XKR9: variants seen among roughly 807,000 people sequenced by gnomAD.
XKR9 encodes the protein XK-related protein 9.
A neutral mutation model predicts 32.0 loss-of-function variants in XKR9; 32 were observed. The observed-to-expected ratio is 1.00, with a 90% confidence interval of 0.76 to 1.34. The LOEUF is 1.34. XKR9 is among the 40% of genes most tolerant of loss of function. The pLI, the probability that XKR9 is intolerant of heterozygous loss-of-function variation, is 0.00. For missense variants in XKR9, 546 were observed against 429.7 expected, an observed-to-expected ratio of 1.27 and a Z score of -2.39; for synonymous variants, 168 against 143.4, an observed-to-expected ratio of 1.17 and a Z score of -1.22.
chr8:70,714,143 T>G (rs528860728), intron 4 of XKR9, among the ~76,000 whole-genome samples: 1 of 152,162 alleles, frequency 6.6e-6, no homozygotes, highest in South Asian at 2.1e-4. Context: ...CTTTTTACAG[T>G]GACACTAGTC....
intron 2 of XKR9, among the ~76,000 whole-genome samples, chr8:70,752,712 A>C (rs761038997): frequency 1.3e-5 from 2 of 152,218 alleles, no homozygotes; most frequent in African/African-American, 2.4e-5. Context: ...TTTTGGTTTC[A>C]TCCAACGAGA....
At chr8:70,806,846 G>C in the XKR9 span, among the ~76,000 whole-genome samples, 1 of 152,136 alleles carries the variant, frequency 6.6e-6, no homozygotes, top group Non-Finnish European at 1.5e-5. Flanking sequence ...ACACACTTCA[G>C]GGTATTATCC....
intron 2 of XKR9, 73 bp downstream of exon 2, chr8:70,674,972 T>A (rs1412524538): frequency 6.6e-6 from 1 of 152,254 alleles, no homozygotes; most frequent in Admixed American, 6.5e-5. Flanking sequence ...TCTTTAAATA[T>A]CTGCTTTATC....
chr8:70,776,949 A>C (rs368700202), intron 2 of XKR9, among the ~76,000 whole-genome samples: 2,122 of 22,462 alleles, frequency 0.094, 75 homozygotes, highest in East Asian at 0.16. Flanking sequence ...CTCTCTCTCT[A>C]TATATATATA....
intron 2 of XKR9, among the ~76,000 whole-genome samples, chr8:70,745,044 G>T (rs1218595976): frequency 6.7e-6 from 1 of 150,006 alleles, no homozygotes; most frequent in East Asian, 1.9e-4. Flanking sequence ...TGGGAAAAAG[G>T]GTAGGAAATA....
chr8:70,719,685 G>A (rs1056717137), intron 4 of XKR9, among the ~76,000 whole-genome samples: 2 of 152,120 alleles, frequency 1.3e-5, no homozygotes, highest in East Asian at 3.9e-4. Context: ...ATGTTGTTTT[G>A]GTTACTGTAG....
the XKR9 span, among the ~76,000 whole-genome samples, chr8:70,967,901 C>T: frequency 8.5e-5 from 13 of 152,072 alleles, no homozygotes; most frequent in African/African-American, 1.4e-4. Context: ...GAGAATCTGA[C>T]GATTATGTGT....
intron 2 of XKR9, among the ~76,000 whole-genome samples, chr8:70,776,954 T>TATATAC (rs1807533396): frequency 1.1e-5 from 1 of 89,324 alleles, no homozygotes; most frequent in Non-Finnish European, 2.9e-5. Flanking sequence ...TCTCTATATA[T>TATATAC]ATATATATAT....
chr8:70,715,568 T>TA (rs1806060446), intron 4 of XKR9, among the ~76,000 whole-genome samples: 1 of 152,116 alleles, frequency 6.6e-6, no homozygotes, highest in Non-Finnish European at 1.5e-5. Context: ...TTATGATTTC[T>TA]AGAGAAATCA....
At chr8:70,696,494 G>C (rs1164907526) in intron 3 of XKR9, among the ~76,000 whole-genome samples, 83 of 150,234 alleles carry the variant, frequency 5.5e-4, no homozygotes, top group Admixed American at 4.1e-3. Context: ...GATAGTTGTA[G>C]ATATGCGGCG....
chr8:70,978,050 A>T, the XKR9 span, among the ~76,000 whole-genome samples: 1 of 152,060 alleles, frequency 6.6e-6, no homozygotes, highest in Non-Finnish European at 1.5e-5. Context: ...AGAGACTAGG[A>T]TTGCAACCCA....
chr8:70,768,829 C>T (rs1452608620), intron 2 of XKR9, among the ~76,000 whole-genome samples: 1 of 151,652 alleles, frequency 6.6e-6, no homozygotes, highest in African/African-American at 2.4e-5. Context: ...TGTGTCTTTG[C>T]ACATGAGATG....
At chr8:70,712,964 A>G (rs144468557) in intron 4 of XKR9, among the ~76,000 whole-genome samples, 84 of 152,328 alleles carry the variant, frequency 5.5e-4, no homozygotes, top group African/African-American at 1.9e-3. Context: ...AGTAGAGGAA[A>G]TAGGAAAAAA....
At chr8:70,867,132 G>A in the XKR9 span, among the ~76,000 whole-genome samples, 21 of 152,284 alleles carry the variant, frequency 1.4e-4, no homozygotes, top group South Asian at 1.0e-3. Flanking sequence ...ATGGCAGCAG[G>A]CAAGGAGGAG....
chr8:71,065,780 T>C, the XKR9 span, among the ~76,000 whole-genome samples: 1 of 152,196 alleles, frequency 6.6e-6, no homozygotes. Context: ...TTTCCCAATT[T>C]CCAAAATAAA....
At chr8:70,777,585 C>T (rs1228982933) in intron 2 of XKR9, among the ~76,000 whole-genome samples, 2 of 152,090 alleles carry the variant, frequency 1.3e-5, no homozygotes, top group Non-Finnish European at 2.9e-5. Context: ...AGTGTTAAAG[C>T]ATTCCTATTT....
chr8:70,784,259 T>G (rs1272167813), intron 2 of XKR9, among the ~76,000 whole-genome samples: 1 of 152,190 alleles, frequency 6.6e-6, no homozygotes, highest in South Asian at 2.1e-4. Context: ...GGAATTTTGA[T>G]AGAGATTGCA....
the XKR9 span, among the ~76,000 whole-genome samples, chr8:70,838,533 A>G: frequency 3.3e-5 from 5 of 152,050 alleles, no homozygotes; most frequent in Non-Finnish European, 7.4e-5. Flanking sequence ...AGCCTGCCAG[A>G]TAGGTGTCAT....
intron 2 of XKR9, among the ~76,000 whole-genome samples, chr8:70,768,429 A>G (rs1359075472): frequency 2.0e-5 from 3 of 152,192 alleles, no homozygotes; most frequent in Non-Finnish European, 4.4e-5. Context: ...GTAGATGTCT[A>G]TTAGGTCCTC....
Sources: allele counts gnomAD v4.1 joint callset (sites outside exome capture counted in the v4.1 genomes callset), GRCh38; gene constraint gnomAD v4.1.1; transcripts MANE v1.5; gene names NCBI Gene and HGNC (gene_info 2026-07-23, HGNC 2026-07-21).